The following ALK variants were observed in gnomAD, a reference collection of about 807,000 sequenced individuals.
ALK encodes ALK receptor tyrosine kinase.
A neutral mutation model predicts 163.1 loss-of-function variants in ALK; 74 were observed. The ratio of observed to expected loss-of-function variants is 0.45; its 90% CI spans 0.38 to 0.55. The LOEUF is 0.55. Among genes scored for constraint, ALK ranks in the 20% least tolerant of loss-of-function variants. The pLI is 0.00. For missense variants in ALK, 2,063 were observed against 2,105.3 expected (o/e 0.98, Z 0.39); for synonymous variants, 960 against 843.2 (o/e 1.14, Z -2.40).
Position 29,869,008 on chromosome 2 carries a change from T to C in ALK, c.667+50985A>G, listed in dbSNP as rs544916097. On this transcript the variant is annotated intron_variant, in intron 1 of 28. Transcript: ENST00000389048. ...CAGCCCCAGCTGAGGTCCCAGCTGA[T>C]AGCTACTGCTGACCAGGAGACAGAG... Among the ~76,000 whole-genome samples the C allele has an allele frequency of 3.5e-4, 53 of 152,322 alleles. 2 individuals are homozygous for C. Among genetic ancestry groups the C allele is most frequent in the Middle Eastern group, 3.4e-3 (1 of 294 alleles).
At chr2:29,714,542 A>G (rs1361529209) in intron 2 of ALK, among the ~76,000 whole-genome samples, 1 of 152,136 alleles carries the variant, frequency 6.6e-6, no homozygotes, top group African/African-American at 2.4e-5. Context: ...GGCCTAGCCT[A>G]GTGGTCATCA....
At chr2:29,855,087 A>G (rs1036918479) in intron 1 of ALK, among the ~76,000 whole-genome samples, 1 of 152,218 alleles carries the variant, frequency 6.6e-6, no homozygotes, top group Admixed American at 6.5e-5. Flanking sequence ...TCTGTCTTAC[A>G]ATGTCACCAA....
chr2:29,364,727 C>T (rs140980129), intron 5 of ALK, among the ~76,000 whole-genome samples: 63 of 152,262 alleles, frequency 4.1e-4, no homozygotes, highest in Non-Finnish European at 6.9e-4. Context: ...GCGTGGGTGA[C>T]GGAGCAATCC....
At position 29,288,955 on chromosome 2, in the gene ALK, AAAATAAATAAAT is replaced by A. The variant is rs1179785867; in HGVS notation, c.1817+7921_1817+7932del. On this transcript the variant is annotated intron_variant, in intron 9 of 28. Coordinates refer to ENST00000389048, the MANE Select transcript of ALK (RefSeq NM_004304.5). ...CGACAGAGGGAGACTCCTTCTCAAAAAAATAAATAAATAAATAAATAAATAAATAAATAAATA... is the reference window on the plus strand; with the variant it reads ...CGACAGAGGGAGACTCCTTCTCAAAAAAATAAATAAATAAATAAATAAATA... 9.7e-4 allele frequency among the ~76,000 whole-genome samples: 26 copies of A among 26,824 alleles called. 3 individuals carry two copies. Among genetic ancestry groups the A allele is most frequent in the African/African-American group, 1.3e-3 (24 of 18,124 alleles). 17.6% of individuals were successfully genotyped at this position (26,824 alleles called of 152,430 possible).
intron 1 of ALK, among the ~76,000 whole-genome samples, chr2:29,883,683 G>GA (rs144814358): frequency 0.011 from 1,660 of 152,284 alleles, 32 homozygotes; most frequent in East Asian, 0.078. Flanking sequence ...ACTCCTTGAA[G>GA]AGTAAGATGG....
intron 1 of ALK, among the ~76,000 whole-genome samples, chr2:29,889,354 C>G (rs979232616): frequency 2.0e-5 from 3 of 151,802 alleles, no homozygotes; most frequent in African/African-American, 7.3e-5. Context: ...TGTTTACTTG[C>G]TTATTTAAGG....
At chr2:29,572,353 G>A (rs1319102623) in intron 3 of ALK, among the ~76,000 whole-genome samples, 3 of 152,182 alleles carry the variant, frequency 2.0e-5, no homozygotes, top group East Asian at 1.9e-4. Flanking sequence ...TAAATGAAAC[G>A]TTTCAGACTT....
At chr2:29,637,890 C>T (rs974411703) in intron 3 of ALK, among the ~76,000 whole-genome samples, 1 of 151,876 alleles carries the variant, frequency 6.6e-6, no homozygotes, top group Non-Finnish European at 1.5e-5. Context: ...ATCCATAATT[C>T]TTTCAACATA....
chr2:29,200,753 GTA>G (rs60268111), intron 26 of ALK, among the ~76,000 whole-genome samples: 1 of 71,764 alleles, frequency 1.4e-5, no homozygotes, highest in African/African-American at 7.5e-5. Flanking sequence ...ATATATATAC[GTA>G]TATATGTATA....
chr2:29,227,721 A>G lies in ALK; in HGVS notation c.2816-49T>C. On this transcript the variant is annotated intron_variant, in intron 16 of 28. Coordinates refer to ENST00000389048, the MANE Select transcript of ALK (RefSeq NM_004304.5). The surrounding 1 kb of genome is among the most constrained non-coding windows in gnomAD (Gnocchi z 4.4). Reference sequence around the variant, plus strand: ...TTTAACATGGGGGGTGGGTGCCAAAATCTTAACACACACACACGTCAGTGG... The same window carrying G: ...TTTAACATGGGGGGTGGGTGCCAAAGTCTTAACACACACACACGTCAGTGG... 1 of 1,422,712 alleles carries G rather than the reference A, an allele frequency of 7.0e-7. No individual in the cohort carries two copies. The highest frequency in any genetic ancestry group is 9.9e-7 in the Non-Finnish European group (1 of 1,007,026). 88.1% of individuals were successfully genotyped at this position (1,422,712 alleles called of 1,614,324 possible).
chr2:29,891,657 A>G (rs532532246), intron 1 of ALK, among the ~76,000 whole-genome samples: 2 of 152,294 alleles, frequency 1.3e-5, no homozygotes, highest in South Asian at 4.2e-4. Context: ...CTGAATTCTG[A>G]TGCTGCCTGG....
intron 1 of ALK, among the ~76,000 whole-genome samples, chr2:29,721,161 T>C (rs149664005): frequency 6.6e-6 from 1 of 152,234 alleles, no homozygotes; most frequent in Admixed American, 6.5e-5. Context: ...TTCTAGGCAC[T>C]GCAGGGTATC....
chr2:29,608,271 C>T (rs1416997791), intron 3 of ALK, among the ~76,000 whole-genome samples: 1 of 152,210 alleles, frequency 6.6e-6, no homozygotes, highest in Non-Finnish European at 1.5e-5. Context: ...TGTTAGCTGT[C>T]TGTCTTCCCT....
At chr2:29,223,269 T>A (rs2148170387) in intron 20 of ALK, 73 bp downstream of exon 20, 1 of 1,542,164 alleles carries the variant, frequency 6.5e-7, no homozygotes, top group Non-Finnish European at 8.9e-7. Context: ...GCTAGAGGAG[T>A]CTGCGGTGCT....
intron 4 of ALK, among the ~76,000 whole-genome samples, chr2:29,409,871 G>A (rs1558312220): frequency 6.6e-6 from 1 of 152,030 alleles, no homozygotes; most frequent in Non-Finnish European, 1.5e-5. Context: ...ACCCATTTCT[G>A]TCTTCTCTGA....
At chr2:29,376,090 T>C (rs114676275) in intron 5 of ALK, among the ~76,000 whole-genome samples, 2,395 of 151,582 alleles carry the variant, frequency 0.016, 55 homozygotes, top group African/African-American at 0.054. Flanking sequence ...AGATAACCTC[T>C]CCTCCGTCCA....
intron 3 of ALK, among the ~76,000 whole-genome samples, chr2:29,687,068 A>G (rs989638052): frequency 3.9e-5 from 6 of 151,990 alleles, no homozygotes; most frequent in South Asian, 2.1e-4. Context: ...CCACACATCC[A>G]CCCAGTGACC....
rs2631954 is a variant in ALK, at chr2:29,731,521, T to A, written c.668-13824A>T. On this transcript the variant is annotated intron_variant, in intron 1 of 28. Transcript: ENST00000389048. ...AAGACTTCCTGGGTCTTGCTGTCAC[T>A]GGAGATTCTGGGCAGCATCGGGACA... 3.1e-3 allele frequency among the ~76,000 whole-genome samples: 471 copies of A among 152,308 alleles called. 1 individual carries two copies. The highest frequency in any genetic ancestry group is 4.0e-3 in the Non-Finnish European group (271 of 68,032).
intron 1 of ALK, among the ~76,000 whole-genome samples, chr2:29,842,282 G>T (rs115418641): frequency 0.011 from 1,690 of 152,198 alleles, 32 homozygotes; most frequent in African/African-American, 0.039. Context: ...TGGTTGCAAC[G>T]AACAGATATT....
Sources: allele counts gnomAD v4.1 joint callset (sites outside exome capture counted in the v4.1 genomes callset), GRCh38; gene constraint gnomAD v4.1.1; non-coding constraint Gnocchi (gnomAD v3.1); transcripts MANE v1.5; gene names NCBI Gene and HGNC (gene_info 2026-07-23, HGNC 2026-07-21).